Variants in TAFA2 observed in about 807,000 individuals in gnomAD.
TAFA2 encodes chemokine-like protein TAFA-2.
A neutral mutation model predicts 18.8 loss-of-function variants in TAFA2; 7 were observed. That is an observed-to-expected ratio of 0.37 (90% CI 0.21 to 0.70). The LOEUF (loss-of-function observed/expected upper bound fraction) is 0.70. Ranked by LOEUF, TAFA2 falls within the 30% of genes least tolerant of loss-of-function variation. The pLI is 0.53. For missense variants in TAFA2, 122 were observed against 158.1 expected (o/e 0.77, Z 1.23); for synonymous variants, 60 against 54.2 (o/e 1.11, Z -0.47).
intron 1 of TAFA2, among the ~76,000 whole-genome samples, chr12:61,970,267 T>G (rs1055407233): frequency 1.3e-5 from 2 of 151,638 alleles, no homozygotes; most frequent in African/African-American, 2.4e-5. Flanking sequence ...ATAGAACAGA[T>G]AATGGCTAAA....
intron 1 of TAFA2, among the ~76,000 whole-genome samples, chr12:61,984,812 G>A (rs1358027672): frequency 6.6e-6 from 1 of 152,080 alleles, no homozygotes; most frequent in Admixed American, 6.6e-5. Context: ...AAGTCATGAT[G>A]CTTATTTCCT....
chr12:61,926,200 T>G (rs1877283667), intron 1 of TAFA2, among the ~76,000 whole-genome samples: 1 of 152,138 alleles, frequency 6.6e-6, no homozygotes, highest in East Asian at 1.9e-4. Context: ...AGGCAGTAAT[T>G]AATAGCCTAC....
At chr12:62,245,763 AAT>A (rs898550123) in intron 1 of TAFA2, among the ~76,000 whole-genome samples, 6 of 147,734 alleles carry the variant, frequency 4.1e-5, no homozygotes, top group East Asian at 2.0e-4. Context: ...TATATAAAGC[AAT>A]ATATATATAT....
At chr12:62,052,117 T>C (rs1882069998) in intron 1 of TAFA2, among the ~76,000 whole-genome samples, 1 of 152,130 alleles carries the variant, frequency 6.6e-6, no homozygotes, top group African/African-American at 2.4e-5. Flanking sequence ...AACATTTTCA[T>C]GGGTGCCTCT....
At chr12:61,993,464 G>A (rs1880077782) in intron 1 of TAFA2, among the ~76,000 whole-genome samples, 1 of 152,128 alleles carries the variant, frequency 6.6e-6, no homozygotes, top group South Asian at 2.1e-4. Context: ...GTCTCATCTA[G>A]TGGCGATTGA....
intron 4 of TAFA2, among the ~76,000 whole-genome samples, chr12:61,728,782 G>C (rs904732635): frequency 6.7e-6 from 1 of 148,354 alleles, no homozygotes; most frequent in Non-Finnish European, 1.5e-5. Context: ...CATCATGCTA[G>C]TTGGTGTCCC....
chr12:61,981,145 A>G (rs567507013), intron 1 of TAFA2, among the ~76,000 whole-genome samples: 3 of 152,324 alleles, frequency 2.0e-5, no homozygotes, highest in South Asian at 2.1e-4. Context: ...GGCCTCAGAA[A>G]TAACACCGCA....
chr12:61,798,749 A>G (rs1016788320), intron 2 of TAFA2, among the ~76,000 whole-genome samples: 7 of 152,234 alleles, frequency 4.6e-5, no homozygotes, highest in African/African-American at 1.7e-4. Context: ...ATCAAAATGC[A>G]AAGTTCTCTC....
intron 1 of TAFA2, among the ~76,000 whole-genome samples, chr12:61,967,156 TC>T: frequency 1.3e-5 from 2 of 151,926 alleles, no homozygotes; most frequent in South Asian, 4.1e-4. Context: ...TTTGAGTGCA[TC>T]TTTTTCTATG....
intron 1 of TAFA2, among the ~76,000 whole-genome samples, chr12:61,999,042 G>T (rs185752858): frequency 1.3e-5 from 2 of 152,188 alleles, no homozygotes; most frequent in Non-Finnish European, 2.9e-5. Context: ...GCATGAACGA[G>T]ATCTAGTTTC....
intron 1 of TAFA2, among the ~76,000 whole-genome samples, chr12:62,167,689 T>TA (rs1263183744): frequency 2.0e-5 from 3 of 152,200 alleles, no homozygotes; most frequent in Admixed American, 2.0e-4. Flanking sequence ...ACATTCAACC[T>TA]AAAAAACAAC....
intron 1 of TAFA2, among the ~76,000 whole-genome samples, chr12:61,943,749 G>C (rs1258699227): frequency 3.0e-4 from 45 of 148,012 alleles, no homozygotes; most frequent in Non-Finnish European, 5.2e-4. Context: ...AACAAGAGGA[G>C]CTAACTATCC....
At chr12:62,125,763 A>G (rs1397614770) in intron 1 of TAFA2, among the ~76,000 whole-genome samples, 2 of 152,088 alleles carry the variant, frequency 1.3e-5, no homozygotes, top group African/African-American at 2.4e-5. Flanking sequence ...TTCAAATTCC[A>G]TCTCCACCAC....
chr12:62,079,127 C>T (rs1268564204), intron 1 of TAFA2, among the ~76,000 whole-genome samples: 9 of 152,174 alleles, frequency 5.9e-5, no homozygotes, highest in Non-Finnish European at 1.2e-4. Context: ...CTCTCTCCAG[C>T]GTCAGCTCTT....
chr12:61,872,854 C>A (rs1481117649), intron 1 of TAFA2, among the ~76,000 whole-genome samples: 1 of 129,400 alleles, frequency 7.7e-6, no homozygotes, highest in Admixed American at 7.6e-5. Context: ...AGAGACCCAC[C>A]CTGCAGTTTC....
intron 1 of TAFA2, among the ~76,000 whole-genome samples, chr12:62,110,580 A>G (rs987346902): frequency 6.8e-6 from 1 of 146,950 alleles, no homozygotes; most frequent in Non-Finnish European, 1.5e-5. Context: ...CACCTCTGGT[A>G]GAATTCAGCT....
At chr12:61,792,423 A>G (rs951128336) in intron 2 of TAFA2, among the ~76,000 whole-genome samples, 14 of 151,696 alleles carry the variant, frequency 9.2e-5, no homozygotes, top group African/African-American at 3.4e-4. Flanking sequence ...GAGATGATAA[A>G]TGTTTGAGGT....
At chr12:61,844,926 C>T (rs2121139405) in intron 2 of TAFA2, among the ~76,000 whole-genome samples, 2 of 152,060 alleles carry the variant, frequency 1.3e-5, no homozygotes, top group African/African-American at 4.8e-5. Flanking sequence ...GAATATAATG[C>T]AAAGCAACTA....
chr12:62,071,210 G>C (rs1882622454), intron 1 of TAFA2, among the ~76,000 whole-genome samples: 1 of 152,164 alleles, frequency 6.6e-6, no homozygotes, highest in Non-Finnish European at 1.5e-5. Context: ...GAAAGCAATA[G>C]AAAAGGCCTC....
Sources: allele counts gnomAD v4.1 joint callset (sites outside exome capture counted in the v4.1 genomes callset), GRCh38; gene constraint gnomAD v4.1.1; transcripts MANE v1.5; gene names NCBI Gene and HGNC (gene_info 2026-07-23, HGNC 2026-07-21).